Variants in SMIM10L3 observed in about 807,000 individuals in gnomAD.
SMIM10L3 encodes the protein salivary gland specific protein SAGSIN1.
At chr7:6,330,765 C>T in the SMIM10L3 span, 1 of 1,614,168 alleles carries the variant, frequency 6.2e-7, no homozygotes. Context: ...CTCCTCCCAG[C>T]CAGTCTCGCC....
At chr7:6,346,741 C>A in the SMIM10L3 span, among the ~76,000 whole-genome samples, 402 of 152,230 alleles carry the variant, frequency 2.6e-3, 2 homozygotes, top group Middle Eastern at 0.01. Flanking sequence ...ATTACCATCA[C>A]CTGTGTCAGG....
the SMIM10L3 span, among the ~76,000 whole-genome samples, chr7:6,345,797 C>T: frequency 6.6e-6 from 1 of 151,944 alleles, no homozygotes; most frequent in African/African-American, 2.4e-5. Flanking sequence ...GAGACAGAGT[C>T]TCGCTGTGTT....
At chr7:6,330,387 T>G in the SMIM10L3 span, 1 of 1,612,170 alleles carries the variant, frequency 6.2e-7, no homozygotes. Context: ...AACTATGGCA[T>G]AATGTATTTG....
chr7:6,335,117 T>C, the SMIM10L3 span, among the ~76,000 whole-genome samples: 1 of 151,384 alleles, frequency 6.6e-6, no homozygotes, highest in Non-Finnish European at 1.5e-5. Flanking sequence ...GGCTGGACCG[T>C]AGTGGTGCAA....
At chr7:6,336,533 T>C in the SMIM10L3 span, among the ~76,000 whole-genome samples, 19 of 151,734 alleles carry the variant, frequency 1.3e-4, no homozygotes, top group African/African-American at 4.3e-4. Context: ...ATACAAAAAT[T>C]AGCTGGGTAT....
At chr7:6,330,905 G>A in the SMIM10L3 span, 11 of 1,614,202 alleles carry the variant, frequency 6.8e-6, no homozygotes, top group Non-Finnish European at 9.3e-6. Flanking sequence ...CTCACATATG[G>A]AAGCACTGGG....
At chr7:6,330,794 C>G in the SMIM10L3 span, 2 of 1,614,078 alleles carry the variant, frequency 1.2e-6, no homozygotes, top group East Asian at 2.2e-5. Context: ...GCTTCAACAC[C>G]ACTGCAGGAC....
At chr7:6,338,683 C>G in the SMIM10L3 span, 1 of 152,484 alleles carries the variant, frequency 6.6e-6, no homozygotes, top group Middle Eastern at 3.4e-3. Context: ...GCTGACCTGC[C>G]GGACAACAAT....
At chr7:6,337,842 C>T in the SMIM10L3 span, among the ~76,000 whole-genome samples, 1 of 151,212 alleles carries the variant, frequency 6.6e-6, no homozygotes, top group Non-Finnish European at 1.5e-5. Context: ...CTTGCTCTGT[C>T]ACCCAGGCTG....
At chr7:6,329,996 CCACT>C in the SMIM10L3 span, 1 of 227,114 alleles carries the variant, frequency 4.4e-6, no homozygotes, top group Non-Finnish European at 9.4e-6. Flanking sequence ...TTACAAGTAT[CCACT>C]TCCATTGGGT....
the SMIM10L3 span, among the ~76,000 whole-genome samples, chr7:6,344,774 T>C: frequency 2.0e-5 from 3 of 152,212 alleles, no homozygotes. Flanking sequence ...GGAGTCTCAC[T>C]GTGTTGCCCA....
the SMIM10L3 span, among the ~76,000 whole-genome samples, chr7:6,339,809 G>A: frequency 2.0e-5 from 3 of 151,704 alleles, no homozygotes; most frequent in South Asian, 2.1e-4. Flanking sequence ...TCCCCCTCCC[G>A]GTCCCCTGGA....
chr7:6,332,039 G>C, the SMIM10L3 span, among the ~76,000 whole-genome samples: 5 of 151,298 alleles, frequency 3.3e-5, no homozygotes, highest in African/African-American at 1.2e-4. Context: ...TTGAACCCAG[G>C]AGGTGGAAGT....
At chr7:6,334,973 G>C in the SMIM10L3 span, among the ~76,000 whole-genome samples, 2 of 148,580 alleles carry the variant, frequency 1.3e-5, no homozygotes, top group Non-Finnish European at 3.0e-5. Flanking sequence ...CTTCATGTTG[G>C]TCAGGCTGGT....
At chr7:6,335,415 G>C in the SMIM10L3 span, among the ~76,000 whole-genome samples, 1 of 151,748 alleles carries the variant, frequency 6.6e-6, no homozygotes, top group Non-Finnish European at 1.5e-5. Flanking sequence ...TTTTAGTAGA[G>C]ATGGTGTTTC....
the SMIM10L3 span, chr7:6,341,852 C>T: frequency 6.6e-6 from 1 of 150,678 alleles, no homozygotes; most frequent in Non-Finnish European, 1.5e-5. Flanking sequence ...ACAAACATTA[C>T]CCAGGCATGG....
chr7:6,330,255 G>T, the SMIM10L3 span: 1 of 977,280 alleles, frequency 1.0e-6, no homozygotes, highest in Non-Finnish European at 1.5e-6. Flanking sequence ...AGTCTGCCAG[G>T]TCGTACAAAA....
the SMIM10L3 span, among the ~76,000 whole-genome samples, chr7:6,331,880 A>T: frequency 0.37 from 55,699 of 151,264 alleles, 13,802 homozygotes; most frequent in African/African-American, 0.7. Context: ...AGCTGGGATT[A>T]CAGGTGCCTG....
At chr7:6,347,178 T>C in the SMIM10L3 span, among the ~76,000 whole-genome samples, 1 of 152,010 alleles carries the variant, frequency 6.6e-6, no homozygotes, top group African/African-American at 2.4e-5. Flanking sequence ...AAGGAAAATA[T>C]AAAAGAAAGA....
Sources: gnomAD v4.1 joint callset for allele counts (sites outside exome capture counted in the v4.1 genomes callset) on GRCh38, gnomAD v4.1.1 for gene constraint, MANE v1.5 for transcripts, NCBI Gene and HGNC (gene_info 2026-07-23, HGNC 2026-07-21) for gene names.